The following IL1RAPL1 variants were observed in gnomAD, a reference collection of about 807,000 sequenced individuals.
IL1RAPL1 encodes the protein interleukin-1 receptor accessory protein-like 1.
In IL1RAPL1, 3 loss-of-function variants were observed where a neutral mutation model predicts 48.4. That is an observed-to-expected ratio of 0.06 (90% CI 0.03 to 0.16). The LOEUF is 0.16. Among genes scored for constraint, IL1RAPL1 ranks in the 10% least tolerant of loss-of-function variants. The probability of loss-of-function intolerance (pLI) is 1.00; values close to 1 mark genes in which losing one functional copy is unlikely to be tolerated. For missense variants in IL1RAPL1, 349 were observed against 530.6 expected (o/e 0.66, Z 3.36); for synonymous variants, 185 against 187.7 (o/e 0.99, Z 0.12).
chrX:29,209,709 G>C (rs2147540822), intron 2 of IL1RAPL1, among the ~76,000 whole-genome samples: 1 of 112,107 alleles, frequency 8.9e-6, no homozygotes, highest in African/African-American at 3.2e-5. Context: ...GAATAGCCTT[G>C]TATATGTGTC....
chrX:29,777,729 A>G (rs1320179273), intron 6 of IL1RAPL1, among the ~76,000 whole-genome samples: 1 of 110,995 alleles, frequency 9.0e-6, no homozygotes, highest in Non-Finnish European at 1.9e-5. Context: ...TTTTTTTCAA[A>G]TGAAGTACAT....
At chrX:29,298,041 G>T (rs1198929610) in intron 3 of IL1RAPL1, among the ~76,000 whole-genome samples, 1 of 112,000 alleles carries the variant, frequency 8.9e-6, no homozygotes, top group Non-Finnish European at 1.9e-5. Context: ...TACTATTTCT[G>T]TTACTGTAGA....
At chrX:28,872,959 C>G (rs1206120169) in intron 2 of IL1RAPL1, among the ~76,000 whole-genome samples, 2 of 111,170 alleles carry the variant, frequency 1.8e-5, no homozygotes, top group African/African-American at 6.6e-5. Context: ...GATGAAACAC[C>G]TTGCTATTCT....
intron 2 of IL1RAPL1, among the ~76,000 whole-genome samples, chrX:29,245,035 C>T (rs1931486481): frequency 9.3e-6 from 1 of 107,934 alleles, no homozygotes. Flanking sequence ...GTTTGGTTTT[C>T]TGTTCCTGTG....
intron 1 of IL1RAPL1, among the ~76,000 whole-genome samples, chrX:28,779,632 GTGTATATATATATATATA>G (rs1352025099): frequency 9.1e-4 from 50 of 54,652 alleles, no homozygotes; most frequent in African/African-American, 2.7e-3. Flanking sequence ...GTGTGTGTGT[GTGTATATATATATATATA>G]TATATATATA....
intron 2 of IL1RAPL1, among the ~76,000 whole-genome samples, chrX:29,033,357 A>G (rs998170628): frequency 4.5e-5 from 5 of 111,505 alleles, no homozygotes; most frequent in Admixed American, 2.9e-4. Flanking sequence ...AGAGAAAAAA[A>G]TTTTATTTGA....
At chrX:29,921,248 T>C (rs905563388) in intron 8 of IL1RAPL1, among the ~76,000 whole-genome samples, 1 of 112,554 alleles carries the variant, frequency 8.9e-6, no homozygotes, top group African/African-American at 3.2e-5. Context: ...CTTTCTACTC[T>C]TTGGAACAAG....
intron 3 of IL1RAPL1, among the ~76,000 whole-genome samples, chrX:29,356,471 A>G (rs1037137959): frequency 1.2e-5 from 1 of 80,526 alleles, no homozygotes; most frequent in Non-Finnish European, 2.5e-5. Context: ...CATTTATACT[A>G]TATACATACA....
intron 3 of IL1RAPL1, among the ~76,000 whole-genome samples, chrX:29,308,314 T>A (rs757955813): frequency 3.2e-4 from 36 of 111,639 alleles, no homozygotes; most frequent in Non-Finnish European, 6.0e-4. Context: ...GAGAAAGACA[T>A]CATGCATTCC....
At chrX:29,385,455 AT>A (rs1933763978) in intron 3 of IL1RAPL1, among the ~76,000 whole-genome samples, 2 of 111,063 alleles carry the variant, frequency 1.8e-5, no homozygotes, top group Admixed American at 9.5e-5. Context: ...CTCCGTCTCA[AT>A]AAAAAAAAAA....
chrX:29,888,208 TA>T (rs1485119406), intron 6 of IL1RAPL1, among the ~76,000 whole-genome samples: 2 of 109,288 alleles, frequency 1.8e-5, no homozygotes, highest in Middle Eastern at 4.7e-3. Context: ...CCTTTGTGAA[TA>T]ACATTGCAAC....
intron 2 of IL1RAPL1, among the ~76,000 whole-genome samples, chrX:29,010,301 G>A (rs992777157): frequency 1.8e-5 from 2 of 111,826 alleles, no homozygotes; most frequent in Non-Finnish European, 3.8e-5. Flanking sequence ...TGTGGTAGGA[G>A]TGGGCATCCT....
rs111438838 is a variant in IL1RAPL1, at chrX:29,043,560, G to A, written c.83-239378G>A. On this transcript the variant is annotated intron_variant, in intron 2 of 10. Coordinates refer to ENST00000378993, the MANE Select transcript of IL1RAPL1 (RefSeq NM_014271.4). ...CATGGAGGTGTCAAAGCTTACCACT[G>A]TTATAAAAATATTTCCCCCTACATG... Among the ~76,000 whole-genome samples the A allele has an allele frequency of 6.3e-3, 702 of 111,085 alleles. 9 individuals carry two copies. The highest frequency in any genetic ancestry group is 0.022 in the African/African-American group (668 of 30,577).
rs138915718 is a variant in IL1RAPL1, at chrX:28,634,570, G to A, written c.-25+46523G>A. Among the ~76,000 whole-genome samples, 1,022 of 109,141 alleles carry A rather than the reference G, an allele frequency of 9.4e-3. 9 individuals carry two copies. The highest frequency in any genetic ancestry group is 0.032 in the African/African-American group (953 of 30,047). The allele number at this position is 109,141 out of a possible 115,157, so 94.8% of individuals were successfully genotyped here. ...ACTGTTTTTATTTTCCCCAACTCCT[G>A]CCAGGTTGAATTTCAGAGTTGATGC... On this transcript the variant is annotated intron_variant, in intron 1 of 10. Transcript: ENST00000378993.
At chrX:29,489,403 A>G (rs1935132173) in intron 5 of IL1RAPL1, among the ~76,000 whole-genome samples, 1 of 112,000 alleles carries the variant, frequency 8.9e-6, no homozygotes, top group African/African-American at 3.2e-5. Context: ...TGAATATTTT[A>G]CTACATGTAA....
chrX:29,429,892 GTGGTGTGTGTGT>G (rs1934396989), intron 5 of IL1RAPL1, among the ~76,000 whole-genome samples: 1 of 62,510 alleles, frequency 1.6e-5, no homozygotes, highest in African/African-American at 7.3e-5. Flanking sequence ...GTGTGTGTGT[GTGGTGTGTGTGT>G]GTGTGTGTGT....
intron 2 of IL1RAPL1, among the ~76,000 whole-genome samples, chrX:29,231,192 C>G (rs1931196318): frequency 9.0e-6 from 1 of 111,066 alleles, no homozygotes; most frequent in African/African-American, 3.3e-5. Flanking sequence ...TCTTACTGAC[C>G]TGGCACAGTG....
chrX:28,740,522 T>G (rs769411979), intron 1 of IL1RAPL1, among the ~76,000 whole-genome samples: 20 of 111,584 alleles, frequency 1.8e-4, no homozygotes, highest in Non-Finnish European at 3.6e-4. Flanking sequence ...AACTTTTCTT[T>G]TAGGTTCAGG....
At chrX:29,005,638 T>C (rs1925960012) in intron 2 of IL1RAPL1, among the ~76,000 whole-genome samples, 1 of 111,673 alleles carries the variant, frequency 9.0e-6, no homozygotes, top group Admixed American at 9.6e-5. Context: ...CCCCAATTTT[T>C]CCCCATTATG....
Sources: allele counts gnomAD v4.1 joint callset (sites outside exome capture counted in the v4.1 genomes callset), GRCh38; gene constraint gnomAD v4.1.1; transcripts MANE v1.5; gene names NCBI Gene and HGNC (gene_info 2026-07-23, HGNC 2026-07-21).